The following RELCH variants were observed in gnomAD, a reference collection of about 807,000 sequenced individuals.
The protein encoded by RELCH is RAB11 binding and LisH domain, coiled-coil and HEAT repeat containing.
A neutral mutation model predicts 150.3 loss-of-function variants in RELCH; 41 were observed. The observed-to-expected ratio is 0.27, with a 90% CI of 0.21 to 0.35. The LOEUF (loss-of-function observed/expected upper bound fraction) is 0.35. RELCH is among the 10% of genes least tolerant of loss of function. The pLI is 1.00. For missense variants in RELCH, 1,092 were observed against 1,467.8 expected, an observed-to-expected ratio of 0.74 and a Z score of 4.18; for synonymous variants, 478 against 531.8, an observed-to-expected ratio of 0.90 and a Z score of 1.39.
rs2038165698 is a variant in RELCH, at chr18:62,187,299, G to C, written c.-207G>C. The stretch of plus-strand genomic sequence containing the variant: ...ACCAGGAAGACGCCTGCAGAGCCGG[G>C]CTGCTGGTGCAGCAGAGGCTGAGGC... On this transcript the variant is annotated 5_prime_UTR_variant, in exon 1 of 29. Transcript: ENST00000644646. 1 of 405,404 alleles carries C rather than the reference G, an allele frequency of 2.5e-6. No homozygotes were observed. Among genetic ancestry groups the C allele is most frequent in the Non-Finnish European group, 4.4e-6 (1 of 229,558 alleles). 25.1% of individuals were successfully genotyped at this position (405,404 alleles called of 1,614,324 possible). A position where few individuals can be genotyped will look rare whatever the true frequency, so the allele number is the denominator to read the frequency against.
At chr18:62,225,473 C>A (rs1404230440) in intron 5 of RELCH, among the ~76,000 whole-genome samples, 8 of 151,852 alleles carry the variant, frequency 5.3e-5, no homozygotes, top group Non-Finnish European at 1.0e-4. Flanking sequence ...ATAAAGAGCT[C>A]TCTAAACTTA....
chr18:62,292,758 T>C (rs2939421), intron 27 of RELCH, among the ~76,000 whole-genome samples: 43,432 of 152,066 alleles, frequency 0.29, 7,344 homozygotes, highest in East Asian at 0.59. Context: ...TTTAATTTCA[T>C]AATGTCTTTC....
intron 10 of RELCH, among the ~76,000 whole-genome samples, chr18:62,236,333 T>G (rs145294566): frequency 1.4e-4 from 21 of 152,122 alleles, no homozygotes; most frequent in African/African-American, 5.1e-4. Flanking sequence ...TTTATAAACC[T>G]TCTAATGTGC....
At chr18:62,228,735 C>T (rs926626274) in intron 8 of RELCH, 137 bp downstream of exon 8, 1 of 633,886 alleles carries the variant, frequency 1.6e-6, no homozygotes, top group Non-Finnish European at 2.6e-6. Flanking sequence ...ATGAACTTAA[C>T]ACATAGCAAA....
chr18:62,263,143 T>C (rs963856675), intron 16 of RELCH, among the ~76,000 whole-genome samples: 1 of 152,070 alleles, frequency 6.6e-6, no homozygotes, highest in African/African-American at 2.4e-5. Flanking sequence ...AGCAACCCTA[T>C]TTCCAAATAA....
At chr18:62,226,518 G>T (rs1388367244) in intron 5 of RELCH, among the ~76,000 whole-genome samples, 3 of 151,970 alleles carry the variant, frequency 2.0e-5, no homozygotes, top group Non-Finnish European at 4.4e-5. Flanking sequence ...TATTAAGTTG[G>T]AGTAATAAAA....
chr18:62,205,393 C>T (rs185666965), intron 1 of RELCH, among the ~76,000 whole-genome samples: 2 of 152,148 alleles, frequency 1.3e-5, no homozygotes, highest in Non-Finnish European at 2.9e-5. Flanking sequence ...CCTTCTAGCC[C>T]TTTACCACAA....
intron 16 of RELCH, 56 bp downstream of exon 16, chr18:62,261,714 A>G (rs1006965176): frequency 6.7e-7 from 1 of 1,490,846 alleles, no homozygotes; most frequent in African/African-American, 1.4e-5. Flanking sequence ...CTAGCTTCCC[A>G]AAGAATTGTT....
chr18:62,195,877 G>C (rs1030864287), intron 1 of RELCH, among the ~76,000 whole-genome samples: 12 of 151,832 alleles, frequency 7.9e-5, no homozygotes, highest in African/African-American at 2.9e-4. Flanking sequence ...TTTATTTTTG[G>C]TAGAGACCAG....
rs1428901411 is a variant in RELCH, at chr18:62,309,722, A to G, written c.*4188A>G. On this transcript the variant is annotated 3_prime_UTR_variant, in exon 29 of 29. Coordinates refer to ENST00000644646, the MANE Select transcript of RELCH (RefSeq NM_001346231.2). ...CCCCCGCATATCTACATGGAGAACT[A>G]TATTACTATTTTAATTCCTTTTATT... 2 of 152,242 alleles carry G rather than the reference A, an allele frequency of 1.3e-5. No homozygotes were observed. Among genetic ancestry groups the G allele is most frequent in the African/African-American group, 4.8e-5 (2 of 41,466 alleles). 9.4% of individuals were successfully genotyped at this position (152,242 alleles called of 1,614,324 possible). A position where few individuals can be genotyped will look rare whatever the true frequency, so the allele number is the denominator to read the frequency against.
chr18:62,252,803 T>C, intron 12 of RELCH, 49 bp downstream of exon 12: 1 of 1,336,730 alleles, frequency 7.5e-7, no homozygotes, highest in Non-Finnish European at 1.1e-6. Flanking sequence ...CCTGATTTCT[T>C]AAGAAGATAC....
intron 1 of RELCH, among the ~76,000 whole-genome samples, chr18:62,204,403 A>G (rs900268215): frequency 6.6e-6 from 1 of 152,112 alleles, no homozygotes; most frequent in African/African-American, 2.4e-5. Flanking sequence ...TGTCTCAATC[A>G]TGGCTCATTA....
Position 62,306,170 on chromosome 18 carries a change from A to G in RELCH, c.*636A>G, listed in dbSNP as rs1568460369. 6.6e-6 allele frequency: 1 copy of G among 152,530 alleles called. No homozygotes were observed. Among genetic ancestry groups the G allele is most frequent in the Non-Finnish European group, 1.5e-5 (1 of 68,012 alleles). The allele number at this position is 152,530 out of a possible 1,614,324, so 9.4% of individuals were successfully genotyped here. A position where few individuals can be genotyped will look rare whatever the true frequency, so the allele number is the denominator to read the frequency against. ...ACGAAACCTTCATTTCAGAACTCTC[A>G]TGAATATTCTTTAAGTGCTATTTAA... On this transcript the variant is annotated 3_prime_UTR_variant, in exon 29 of 29. Transcript: ENST00000644646.
In RELCH at chr18:62,244,925, T is replaced by C. The variant is rs761226937; in HGVS notation, c.1733+49T>C. 5.0e-6 allele frequency: 6 copies of C among 1,197,026 alleles called. No homozygotes were observed. The Admixed American group carries it at 1.0e-4, about 20-fold the overall frequency. 74.2% of individuals were successfully genotyped at this position (1,197,026 alleles called of 1,614,324 possible). On this transcript the variant is annotated intron_variant, in intron 11 of 28. Coordinates refer to ENST00000644646, the MANE Select transcript of RELCH (RefSeq NM_001346231.2). ...AAAGAAATACAATGTGACTTACTGA[T>C]TTTAACTAATTAGGCATCAGGATTA...
intron 2 of RELCH, among the ~76,000 whole-genome samples, chr18:62,212,269 ATTGAAATCATTCTTGAGTGCCT>A (rs2040220279): frequency 6.6e-6 from 1 of 152,236 alleles, no homozygotes; most frequent in African/African-American, 2.4e-5. Context: ...TCTGTCTGCC[ATTGAAATCATTCTTGAGTGCCT>A]TGCAGGAATT....
At chr18:62,231,116 A>C (rs1451078122) in intron 8 of RELCH, 78 bp from the exon 9 acceptor site, 3 of 959,230 alleles carry the variant, frequency 3.1e-6, no homozygotes, top group Non-Finnish European at 3.3e-6. Context: ...TGGAAGTTAT[A>C]ATACATAACT....
intron 1 of RELCH, among the ~76,000 whole-genome samples, chr18:62,197,596 T>C (rs2039133808): frequency 6.6e-6 from 1 of 152,204 alleles, no homozygotes; most frequent in Non-Finnish European, 1.5e-5. Context: ...TAGGAAAACC[T>C]GAACAAGTTG....
chr18:62,215,795 T>C (rs927388004), intron 2 of RELCH, among the ~76,000 whole-genome samples: 3 of 152,162 alleles, frequency 2.0e-5, no homozygotes, highest in African/African-American at 7.2e-5. Context: ...ATAGATCTTT[T>C]AGTACCAGGC....
Position 62,187,690 on chromosome 18 carries a change from C to T in RELCH, c.185C>T (p.Ala62Val). The T allele has an allele frequency of 6.3e-7, 1 of 1,589,338 alleles. No homozygotes were observed. The highest frequency in any genetic ancestry group is 8.6e-7 in the Non-Finnish European group (1 of 1,164,296). ...AGSLSPQDPV[A>V]LGSSARPGLP... ...TCGCTGTCGCCACAGGATCCCGTGG[C>T]CTTAGGAAGCAGTGCGCGGCCAGGG... Residue 62 changes from alanine to valine, a missense_variant, in exon 1 of 29, where the codon GCC becomes GTC. Ala to Val is a moderately conservative substitution (Grantham distance 64). Around this residue, in one of 4 missense-constraint regions of RELCH, gnomAD observed 138 missense variants for 124.8 expected, o/e 1.11. Coordinates refer to ENST00000644646, the MANE Select transcript of RELCH (RefSeq NM_001346231.2).
Sources: gnomAD v4.1 joint callset for allele counts (sites outside exome capture counted in the v4.1 genomes callset) on GRCh38, gnomAD v4.1.1 for gene constraint, gnomAD v4.1.1 regional missense constraint, MANE v1.5 for transcripts, NCBI Gene and HGNC (gene_info 2026-07-23, HGNC 2026-07-21) for gene names.